NDRG1: variants seen among roughly 807,000 people sequenced by gnomAD.
The protein encoded by NDRG1 is N-myc downstream regulated 1, also known as protein NDRG1.
NDRG1 carries 32 observed loss-of-function variants against 56.9 expected under a neutral mutation model. The observed-to-expected ratio is 0.56, with a 90% confidence interval of 0.42 to 0.76. The LOEUF (loss-of-function observed/expected upper bound fraction) is 0.76. Ranked by LOEUF, NDRG1 falls within the 30% of genes least tolerant of loss-of-function variation. The pLI is 0.00. For missense variants in NDRG1, 507 were observed against 545.7 expected (o/e 0.93, Z 0.71); for synonymous variants, 211 against 204.1 (o/e 1.03, Z -0.29).
At chr8:133,278,808 G>T (rs1857602683) in intron 3 of NDRG1, among the ~76,000 whole-genome samples, 1 of 151,890 alleles carries the variant, frequency 6.6e-6, no homozygotes, top group African/African-American at 2.4e-5. Flanking sequence ...AAGAGGTGAG[G>T]CCCAGAGTCT....
At chr8:133,281,734 G>A (rs896717406) in intron 2 of NDRG1, among the ~76,000 whole-genome samples, 2 of 152,196 alleles carry the variant, frequency 1.3e-5, no homozygotes, top group Admixed American at 6.5e-5. Flanking sequence ...ACAGGCCCTC[G>A]TGCTGGGGAT....
chr8:133,239,252 T>G (rs541949200), intron 15 of NDRG1, 133 bp from the exon 16 acceptor site: 1 of 1,419,694 alleles, frequency 7.0e-7, no homozygotes, highest in African/African-American at 1.4e-5. Context: ...GCCATCCAGC[T>G]GCTGGGCCCC....
chr8:133,270,261 G>A (rs938480551), intron 3 of NDRG1, among the ~76,000 whole-genome samples: 1 of 152,228 alleles, frequency 6.6e-6, no homozygotes, highest in African/African-American at 2.4e-5. Flanking sequence ...GGGGAAACAG[G>A]ACCTAACACC....
intron 1 of NDRG1, among the ~76,000 whole-genome samples, chr8:133,286,317 C>T (rs900252314): frequency 3.9e-5 from 6 of 152,198 alleles, no homozygotes; most frequent in African/African-American, 1.4e-4. Flanking sequence ...TAAAAGGACT[C>T]GAGAAATGCT....
chr8:133,283,649 TC>T (rs1043102935), intron 2 of NDRG1, among the ~76,000 whole-genome samples: 2 of 152,226 alleles, frequency 1.3e-5, no homozygotes, highest in Non-Finnish European at 2.9e-5. Flanking sequence ...ATGAATTAGG[TC>T]ACTCCATCCT....
chr8:133,243,048 C>A (rs1348283705), intron 14 of NDRG1, among the ~76,000 whole-genome samples: 1 of 152,216 alleles, frequency 6.6e-6, no homozygotes, highest in Admixed American at 6.5e-5. Context: ...CAAGGCGTAT[C>A]TGTTCTTCAG....
intron 5 of NDRG1, among the ~76,000 whole-genome samples, chr8:133,261,313 C>G (rs1221688248): frequency 1.3e-5 from 2 of 152,022 alleles, no homozygotes; most frequent in African/African-American, 4.8e-5. Context: ...ATCACGTTGG[C>G]CGGAGACAGG....
intron 15 of NDRG1, chr8:133,241,652 G>A (rs1362659800): frequency 1.4e-5 from 5 of 346,374 alleles, no homozygotes; most frequent in African/African-American, 6.3e-5. Context: ...CATCATCATC[G>A]ACACCATCTT....
intron 3 of NDRG1, among the ~76,000 whole-genome samples, chr8:133,275,101 G>A (rs1422139496): frequency 2.0e-5 from 3 of 152,080 alleles, no homozygotes; most frequent in Admixed American, 1.3e-4. Context: ...CTCAGTTCCT[G>A]GCCCTGGAAC....
At chr8:133,291,902 C>G (rs1437191377) in intron 1 of NDRG1, among the ~76,000 whole-genome samples, 2 of 152,172 alleles carry the variant, frequency 1.3e-5, no homozygotes, top group South Asian at 4.1e-4. Context: ...GTGTGTTCAA[C>G]TTGAGCACAG....
rs1468543228 is a variant in NDRG1 at position 133,250,353 on chromosome 8, T to C, written c.698+87A>G. ...GAGCCTGCCTCTTCCGCTCATTTTA[T>C]ACTCTCCCTCTCATCTGTCCCACAT... On this transcript the variant is annotated intron_variant, in intron 10 of 15. Coordinates refer to ENST00000323851, the MANE Select transcript of NDRG1 (RefSeq NM_006096.4). The C allele has an allele frequency of 1.1e-5, 13 of 1,206,634 alleles. No homozygotes were observed. In the South Asian group the frequency reaches 1.1e-4, roughly 10 times the overall value. The allele number at this position is 1,206,634 out of a possible 1,614,324, so 74.7% of individuals were successfully genotyped here.
intron 10 of NDRG1, among the ~76,000 whole-genome samples, chr8:133,249,929 G>A (rs922728978): frequency 6.6e-6 from 1 of 152,196 alleles, no homozygotes; most frequent in Non-Finnish European, 1.5e-5. Context: ...GACACCAATG[G>A]CCCTGAGCTG....
chr8:133,252,599 G>A lies in NDRG1; in HGVS notation c.594+1940C>T, dbSNP rs139588292. On this transcript the variant is annotated intron_variant, in intron 9 of 15. Coordinates refer to ENST00000323851, the MANE Select transcript of NDRG1 (RefSeq NM_006096.4). ...CCGGAGTGGGGCCTCTGTTTCCCTC[G>A]TACACTCGCCAACTCCGGAGTGGGG... Among the ~76,000 whole-genome samples, 846 of 147,514 alleles carry A rather than the reference G, an allele frequency of 5.7e-3. 5 individuals are homozygous for A. Among genetic ancestry groups the A allele is most frequent in the African/African-American group, 0.02 (786 of 39,714 alleles).
At chr8:133,258,965 A>G in intron 6 of NDRG1, 1 of 644,646 alleles carries the variant, frequency 1.6e-6, no homozygotes, top group East Asian at 2.7e-5. Context: ...ACGCAAGAGG[A>G]AAACTGAAGT....
intron 2 of NDRG1, among the ~76,000 whole-genome samples, chr8:133,281,248 T>C (rs1016836901): frequency 2.0e-5 from 3 of 151,516 alleles, no homozygotes; most frequent in African/African-American, 7.3e-5. Context: ...TCCCAGCTAC[T>C]CGGGAGGCTA....
chr8:133,296,376 G>T, intron 1 of NDRG1: 1 of 424,858 alleles, frequency 2.4e-6, no homozygotes, highest in South Asian at 1.6e-5. Context: ...CCACGCCGCC[G>T]ATGCGCCAAT....
At chr8:133,254,661 AC>A in intron 8 of NDRG1, 66 bp from the exon 9 acceptor site, 1 of 1,531,508 alleles carries the variant, frequency 6.5e-7, no homozygotes, top group Non-Finnish European at 9.0e-7. Flanking sequence ...GGTCAGCAAA[AC>A]CCCACTTCCC....
At chr8:133,240,991 C>G (rs1178636647) in intron 15 of NDRG1, 1 of 152,190 alleles carries the variant, frequency 6.6e-6, no homozygotes, top group Admixed American at 6.5e-5. Context: ...GTGGATCCTG[C>G]CTGAGCCTGA....
At chr8:133,285,348 T>C (rs1858048815) in intron 1 of NDRG1, among the ~76,000 whole-genome samples, 1 of 152,016 alleles carries the variant, frequency 6.6e-6, no homozygotes, top group Non-Finnish European at 1.5e-5. Context: ...AAGAAGTAAG[T>C]GACAAGAGGG....
Sources: allele counts gnomAD v4.1 joint callset (sites outside exome capture counted in the v4.1 genomes callset), GRCh38; gene constraint gnomAD v4.1.1; transcripts MANE v1.5; gene names NCBI Gene and HGNC (gene_info 2026-07-23, HGNC 2026-07-21).